The following BSDC1 variants were observed in gnomAD, a reference collection of about 807,000 sequenced individuals.
BSDC1 encodes the protein BSD domain containing 1.
Under a neutral mutation model 56.0 loss-of-function variants are expected in BSDC1, and 29 were observed. The ratio of observed to expected loss-of-function variants is 0.52; its 90% CI spans 0.39 to 0.71. The LOEUF is 0.71. Ranked by LOEUF, BSDC1 falls within the 30% of genes least tolerant of loss-of-function variation. BSDC1 has a pLI of 0.00. For missense variants in BSDC1, 477 were observed against 548.5 expected (o/e 0.87, Z 1.30); for synonymous variants, 210 against 215.3 (o/e 0.98, Z 0.21).
chr1:32,392,968 G>A (rs1042954952), intron 2 of BSDC1, among the ~76,000 whole-genome samples: 1 of 152,194 alleles, frequency 6.6e-6, no homozygotes, highest in Non-Finnish European at 1.5e-5. Flanking sequence ...GGAGGCTGAG[G>A]CACAAGAATC....
chr1:32,392,497 G>T (rs1426475281), intron 2 of BSDC1, among the ~76,000 whole-genome samples: 1 of 151,870 alleles, frequency 6.6e-6, no homozygotes, highest in Non-Finnish European at 1.5e-5. Flanking sequence ...ACGGAAGGTT[G>T]GCCAACTATC....
rs1164458327 is a variant in BSDC1 at position 32,378,867 on chromosome 1, G to A, written c.413-28C>T. On this transcript the variant is annotated intron_variant, in intron 5 of 10. Coordinates refer to ENST00000455895, the MANE Select transcript of BSDC1 (RefSeq NM_018045.8). The surrounding 1 kb of genome is among the most constrained non-coding windows in gnomAD (Gnocchi z 5.2). Reference sequence around the variant, plus strand: ...GCAGAGGGACAGATGCTGACGGTCAGTTGCCTTGGTCTGGGAAAAGAACAC... The same window carrying A: ...GCAGAGGGACAGATGCTGACGGTCAATTGCCTTGGTCTGGGAAAAGAACAC... 2.2e-5 allele frequency: 31 copies of A among 1,414,730 alleles called. No homozygotes were observed. The highest frequency in any genetic ancestry group is 2.8e-5 in the Non-Finnish European group (30 of 1,064,360). 87.6% of individuals were successfully genotyped at this position (1,414,730 alleles called of 1,614,324 possible).
intron 5 of BSDC1, among the ~76,000 whole-genome samples, chr1:32,380,578 G>A (rs1642446390): frequency 6.6e-6 from 1 of 152,090 alleles, no homozygotes; most frequent in South Asian, 2.1e-4. Context: ...CCCGGGAGGC[G>A]GAGGTTGCAG....
Position 32,378,432 on chromosome 1 carries a change from A to G in BSDC1, c.529-149T>C. On this transcript the variant is annotated intron_variant, in intron 6 of 10. Transcript: ENST00000455895. The surrounding 1 kb of genome is among the most constrained non-coding windows in gnomAD (Gnocchi z 5.2). The stretch of plus-strand genomic sequence containing the variant: ...CAGTCAGAGCACTTCCACCCCCACC[A>G]AAGTTTCAGCCAGACCCACCTTCCT... 1.2e-6 allele frequency: 1 copy of G among 806,356 alleles called. No individual in the cohort carries two copies. The highest frequency in any genetic ancestry group is 2.0e-6 in the Non-Finnish European group (1 of 492,050). The allele number at this position is 806,356 out of a possible 1,614,324, so 50.0% of individuals were successfully genotyped here.
chr1:32,367,563 T>C lies in BSDC1; in HGVS notation c.1260+884A>G, dbSNP rs565337502. Reference sequence around the variant, plus strand: ...GATGGAAGGACTCATGTGGTTCTTATGTGACAGTGGAACTAACGCTGACAT... The same window carrying C: ...GATGGAAGGACTCATGTGGTTCTTACGTGACAGTGGAACTAACGCTGACAT... On this transcript the variant is annotated intron_variant, in intron 10 of 10. Transcript: ENST00000455895. 4.3e-5 allele frequency: 42 copies of C among 985,458 alleles called. No individual in the cohort carries two copies. In the South Asian group the frequency reaches 1.7e-3, roughly 40 times the overall value. 61.0% of individuals were successfully genotyped at this position (985,458 alleles called of 1,614,324 possible). A position where few individuals can be genotyped will look rare whatever the true frequency, so the allele number is the denominator to read the frequency against.
chr1:32,378,691 A>G lies in BSDC1; in HGVS notation c.528+33T>C. On this transcript the variant is annotated intron_variant, in intron 6 of 10. Transcript: ENST00000455895. This position sits in a 1 kb window ranked among gnomAD's most constrained non-coding sequence, Gnocchi z 5.2. ...CCACCTCCCAACACCTCAAGCCTGGAGCTGGCTGAGGCCCTGCAGGCTGGG... is the reference window on the plus strand; with the variant it reads ...CCACCTCCCAACACCTCAAGCCTGGGGCTGGCTGAGGCCCTGCAGGCTGGG... 2 of 1,382,402 alleles carry G rather than the reference A, an allele frequency of 1.4e-6. No individual in the cohort carries two copies. Among genetic ancestry groups the G allele is most frequent in the Non-Finnish European group, 1.9e-6 (2 of 1,040,048 alleles). The allele number at this position is 1,382,402 out of a possible 1,614,324, so 85.6% of individuals were successfully genotyped here. A position where few individuals can be genotyped will look rare whatever the true frequency, so the allele number is the denominator to read the frequency against.
intron 9 of BSDC1, chr1:32,369,120 C>A: frequency 2.2e-6 from 1 of 446,690 alleles, no homozygotes; most frequent in Non-Finnish European, 3.8e-6. Context: ...AGCCCACTGA[C>A]AGGGAATTAG....
chr1:32,377,169 C>T (rs780296242), intron 8 of BSDC1, among the ~76,000 whole-genome samples: 6 of 152,012 alleles, frequency 3.9e-5, no homozygotes, highest in Non-Finnish European at 8.8e-5. Flanking sequence ...TAGTGTCATT[C>T]AGCTCACCCC....
At chr1:32,388,700 C>T (rs1642755688) in intron 2 of BSDC1, among the ~76,000 whole-genome samples, 1 of 152,230 alleles carries the variant, frequency 6.6e-6, no homozygotes, top group Admixed American at 6.5e-5. Context: ...CACTGAGCTC[C>T]AGCTGGCCTT....
intron 1 of BSDC1, 35 bp downstream of exon 1, chr1:32,394,368 AG>A (rs1642979382): frequency 6.2e-7 from 1 of 1,613,962 alleles, no homozygotes; most frequent in Admixed American, 1.7e-5. Context: ...GGGAGAATTC[AG>A]GCCCCAACGC....
At chr1:32,387,017 C>G in intron 2 of BSDC1, 122 bp from the exon 3 acceptor site, 1 of 736,622 alleles carries the variant, frequency 1.4e-6, no homozygotes, top group Non-Finnish European at 2.3e-6. Flanking sequence ...GGAGCTTCGG[C>G]TCAGAAACAA....
intron 3 of BSDC1, among the ~76,000 whole-genome samples, chr1:32,384,336 A>G (rs1274690077): frequency 6.6e-6 from 1 of 152,198 alleles, no homozygotes; most frequent in Non-Finnish European, 1.5e-5. Flanking sequence ...CTATGGGTAG[A>G]GTGGTGGAAA....
intron 4 of BSDC1, among the ~76,000 whole-genome samples, 162 bp from the exon 5 acceptor site, chr1:32,381,430 G>A (rs1169232489): frequency 6.6e-6 from 1 of 152,170 alleles, no homozygotes; most frequent in Non-Finnish European, 1.5e-5. Flanking sequence ...ACAGAGAGTG[G>A]GGCACTAGGC....
At chr1:32,381,801 G>A (rs1195464523) in intron 4 of BSDC1, among the ~76,000 whole-genome samples, 2 of 152,222 alleles carry the variant, frequency 1.3e-5, no homozygotes, top group Non-Finnish European at 2.9e-5. Flanking sequence ...AAGCGGTCTG[G>A]TGATAATTCA....
chr1:32,384,984 G>C (rs1317601756), intron 3 of BSDC1, among the ~76,000 whole-genome samples: 1 of 152,048 alleles, frequency 6.6e-6, no homozygotes, highest in Non-Finnish European at 1.5e-5. Context: ...GCAGGTGGAC[G>C]GTATTTTACA....
chr1:32,394,256 C>A, intron 1 of BSDC1, 116 bp from the exon 2 acceptor site: 1 of 1,553,478 alleles, frequency 6.4e-7, no homozygotes, highest in Non-Finnish European at 8.8e-7. Flanking sequence ...GACCGCTTGC[C>A]CACCCCCTCA....
intron 2 of BSDC1, 58 bp downstream of exon 2, chr1:32,394,022 G>A: frequency 6.4e-7 from 1 of 1,556,728 alleles, no homozygotes; most frequent in Non-Finnish European, 8.7e-7. Context: ...GTTGGACCAG[G>A]TTGCATTGAG....
rs141514211 is a variant in BSDC1, at chr1:32,390,189, T to C, written c.73-3294A>G. Among the ~76,000 whole-genome samples, 67 of 152,212 alleles carry C rather than the reference T, an allele frequency of 4.4e-4. No homozygotes were observed. The East Asian group carries it at 9.8e-3, about 22-fold the overall frequency. On this transcript the variant is annotated intron_variant, in intron 2 of 10. Transcript: ENST00000455895. ...GTTTGAAGTGGGTGGGACATGAGAT[T>C]TGCCTTTTCACTAAATTACTCCAGT...
At chr1:32,386,709 A>G in intron 3 of BSDC1, 70 bp downstream of exon 3, 1 of 1,090,556 alleles carries the variant, frequency 9.2e-7, no homozygotes, top group Non-Finnish European at 1.3e-6. Context: ...TTAATGGTAG[A>G]AAGGTTGGGA....
Sources: allele counts gnomAD v4.1 joint callset (sites outside exome capture counted in the v4.1 genomes callset), GRCh38; gene constraint gnomAD v4.1.1; non-coding constraint Gnocchi (gnomAD v3.1); transcripts MANE v1.5; gene names NCBI Gene and HGNC (gene_info 2026-07-23, HGNC 2026-07-21).